LAMA2: variants seen among roughly 807,000 people sequenced by gnomAD.
The protein encoded by LAMA2 is laminin subunit alpha 2.
LAMA2 carries 269 observed loss-of-function variants against 364.8 expected under a neutral mutation model. That is an observed-to-expected ratio of 0.74 (90% CI 0.67 to 0.82). The LOEUF (loss-of-function observed/expected upper bound fraction) is 0.82, where lower values mean the gene tolerates loss of function less well. Among genes scored for constraint, LAMA2 ranks in the 40% least tolerant of loss-of-function variants. LAMA2 has a pLI of 0.00. For missense variants in LAMA2, 3,807 were observed against 3,873.2 expected (o/e 0.98, Z 0.45); for synonymous variants, 1,379 against 1,370.6 (o/e 1.01, Z -0.14).
intron 22 of LAMA2, among the ~76,000 whole-genome samples, chr6:129,309,117 A>G (rs1774055335): frequency 1.3e-5 from 2 of 152,250 alleles, no homozygotes; most frequent in African/African-American, 2.4e-5. Flanking sequence ...ATTTAAATGA[A>G]CAGTGATTTG....
At position 129,076,513 on chromosome 6, in the gene LAMA2, A is replaced by ATT. The variant is rs1562216909; in HGVS notation, c.396+16617_396+16618insTT. On this transcript the variant is annotated intron_variant, in intron 3 of 64. Coordinates refer to ENST00000421865, the MANE Select transcript of LAMA2 (RefSeq NM_000426.4). ...ATATTATATATAAATATATATATATAATATATATAAAATTAGAGAATCTTT... is the reference window on the plus strand; with the variant it reads ...ATATTATATATAAATATATATATATATTATATATATAAAATTAGAGAATCTTT... Among the ~76,000 whole-genome samples, 36 of 142,708 alleles carry ATT rather than the reference A, an allele frequency of 2.5e-4. 1 individual carries two copies. The highest frequency in any genetic ancestry group is 9.1e-4 in the African/African-American group (35 of 38,540). 93.6% of individuals were successfully genotyped at this position (142,708 alleles called of 152,430 possible). A position where few individuals can be genotyped will look rare whatever the true frequency, so the allele number is the denominator to read the frequency against.
At chr6:129,445,036 C>A (rs1782298763) in intron 44 of LAMA2, among the ~76,000 whole-genome samples, 1 of 152,114 alleles carries the variant, frequency 6.6e-6, no homozygotes, top group African/African-American at 2.4e-5. Context: ...ACAAAAACAG[C>A]TGTTTAATAT....
chr6:129,366,079 G>A, intron 32 of LAMA2, 140 bp from the exon 33 acceptor site: 4 of 869,322 alleles, frequency 4.6e-6, no homozygotes, highest in Non-Finnish European at 7.6e-6. Context: ...CCATTTGATA[G>A]CATTAATATT....
chr6:129,492,388 G>A lies in LAMA2; in HGVS notation c.8149G>A (p.Glu2717Lys). 1.2e-6 allele frequency: 2 copies of A among 1,614,168 alleles called. No individual in the cohort carries two copies. The highest frequency in any genetic ancestry group is 2.2e-5 in the East Asian group (1 of 44,868). Reference protein sequence around the residue: ...IGRCAHQKLREDEDGAAPAEI... With the variant: ...IGRCAHQKLRKDEDGAAPAEI... ...TCGCTGTGCCCATCAGAAACTCCGT[G>A]AAGATGAAGATGGAGCAGCTCCAGC... The change falls in exon 58 of 65, where the codon GAA becomes AAA. Residue 2717 changes from glutamate (E) to lysine (K), a missense_variant. Glu to Lys is a moderately conservative substitution (Grantham distance 56). Around this residue, in one of 3 missense-constraint regions of LAMA2, gnomAD observed 3,333 missense variants for 3,345.7 expected, o/e 1.00. Transcript: ENST00000421865.
At chr6:128,937,231 A>G (rs774217803) in intron 1 of LAMA2, among the ~76,000 whole-genome samples, 23 of 152,172 alleles carry the variant, frequency 1.5e-4, no homozygotes, top group Non-Finnish European at 2.2e-4. Context: ...ATCATGGTGA[A>G]TGTTCCTTTT....
chr6:129,174,191 A>G (rs557156155), intron 9 of LAMA2, among the ~76,000 whole-genome samples: 1 of 152,144 alleles, frequency 6.6e-6, no homozygotes, highest in South Asian at 2.1e-4. Flanking sequence ...AGATTAGAAA[A>G]ATGTATTTGT....
chr6:129,122,840 T>G (rs1418041150), intron 4 of LAMA2, among the ~76,000 whole-genome samples: 2 of 152,184 alleles, frequency 1.3e-5, no homozygotes, highest in Non-Finnish European at 2.9e-5. Context: ...CTGAGCCTGT[T>G]TCCTCATCCA....
intron 34 of LAMA2, among the ~76,000 whole-genome samples, chr6:129,372,339 A>T (rs943272311): frequency 1.3e-5 from 2 of 152,098 alleles, no homozygotes; most frequent in African/African-American, 4.8e-5. Context: ...GCAACCACTC[A>T]TATTTTTACT....
At chr6:128,985,237 T>C (rs1215562813) in intron 1 of LAMA2, among the ~76,000 whole-genome samples, 4 of 152,138 alleles carry the variant, frequency 2.6e-5, no homozygotes, top group Non-Finnish European at 4.4e-5. Context: ...TTTTGAAGGG[T>C]GCTGTTGTAA....
At chr6:129,481,190 GGTGA>G (rs1048421344) in intron 54 of LAMA2, 69 bp from the exon 55 acceptor site, 19 of 1,128,022 alleles carry the variant, frequency 1.7e-5, no homozygotes, top group Non-Finnish European at 2.4e-5. Flanking sequence ...CATCGAGGAG[GGTGA>G]GTGAGATGGA....
intron 32 of LAMA2, among the ~76,000 whole-genome samples, chr6:129,354,845 T>A (rs1250495176): frequency 1.3e-5 from 2 of 152,200 alleles, no homozygotes; most frequent in Non-Finnish European, 2.9e-5. Context: ...TTTAACATTT[T>A]GAATACATTT....
intron 35 of LAMA2, among the ~76,000 whole-genome samples, chr6:129,388,699 A>G (rs186276244): frequency 7.9e-5 from 12 of 152,292 alleles, no homozygotes; most frequent in East Asian, 3.9e-4. Context: ...ACGCGCGCAC[A>G]CACACATATT....
chr6:129,184,659 CT>C (rs777367154), intron 10 of LAMA2, among the ~76,000 whole-genome samples: 10 of 151,888 alleles, frequency 6.6e-5, no homozygotes, highest in Non-Finnish European at 1.3e-4. Context: ...TTGTTCGCCC[CT>C]GATCCTTGCT....
At position 129,205,491 on chromosome 6, in the gene LAMA2, T is replaced by TACACAC. The variant is rs1400126417; in HGVS notation, c.1782+12639_1782+12640insCACACA. Reference sequence around the variant, plus strand: ...TTTATTCTGTAAGTATATATATATATATACACACACACACACACACACACA... The same window carrying TACACAC: ...TTTATTCTGTAAGTATATATATATATACACACATACACACACACACACACACACACA... On this transcript the variant is annotated intron_variant, in intron 12 of 64. Transcript: ENST00000421865. Among the ~76,000 whole-genome samples, 7 of 123,090 alleles carry TACACAC rather than the reference T, an allele frequency of 5.7e-5. No individual in the cohort carries two copies. In the East Asian group the frequency reaches 6.5e-4, roughly 12 times the overall value. 80.8% of individuals were successfully genotyped at this position (123,090 alleles called of 152,430 possible).
chr6:129,029,130 C>T (rs1786043124), intron 1 of LAMA2, among the ~76,000 whole-genome samples: 2 of 151,814 alleles, frequency 1.3e-5, no homozygotes, highest in South Asian at 4.1e-4. Context: ...GTAAGAAGTT[C>T]CATATGGAAA....
At position 129,315,855 on chromosome 6, in the gene LAMA2, C is replaced by T. The variant is rs1554269891; in HGVS notation, c.3829C>T (p.Arg1277Ter). 6.2e-6 allele frequency: 10 copies of T among 1,613,846 alleles called. No individual in the cohort carries two copies. The highest frequency in any genetic ancestry group is 2.2e-5 in the South Asian group (2 of 91,076). Residue 1277 changes from arginine to a stop codon, truncating the protein, a stop_gained, in exon 26 of 65, where the codon CGA becomes TGA. Coordinates refer to ENST00000421865, the MANE Select transcript of LAMA2 (RefSeq NM_000426.4). LOFTEE classifies it high-confidence loss of function. The part of the protein sequence containing the change: ...FSTYNPQVII[R>*]GGTPTHARII... ...TACATATAATCCTCAAGTGATCATT[C>T]GAGGTGGGACACCTACTCATGCTAG...
At chr6:129,487,265 G>A (rs916866350) in intron 56 of LAMA2, among the ~76,000 whole-genome samples, 1 of 152,178 alleles carries the variant, frequency 6.6e-6, no homozygotes, top group Non-Finnish European at 1.5e-5. Flanking sequence ...CCAGGGAATT[G>A]GCTTTACTCA....
chr6:129,293,415 A>G (rs980916582), intron 20 of LAMA2, among the ~76,000 whole-genome samples: 11 of 152,204 alleles, frequency 7.2e-5, no homozygotes, highest in African/African-American at 2.7e-4. Context: ...TAATAAATGA[A>G]CAAATGAAGG....
chr6:129,154,356 G>A (rs1778981617), intron 7 of LAMA2, 149 bp from the exon 8 acceptor site: 2 of 639,934 alleles, frequency 3.1e-6, no homozygotes, highest in Non-Finnish European at 5.4e-6. Context: ...AGGTTGCAGT[G>A]AGCCGAGATC....
Sources: gnomAD v4.1 joint callset for allele counts (sites outside exome capture counted in the v4.1 genomes callset) on GRCh38, gnomAD v4.1.1 for gene constraint, gnomAD v4.1.1 regional missense constraint, MANE v1.5 for transcripts, NCBI Gene and HGNC (gene_info 2026-07-23, HGNC 2026-07-21) for gene names.